Variants in FRYL observed in about 807,000 individuals in gnomAD.
FRYL encodes the protein FRY like transcription coactivator.
Under a neutral mutation model 351.2 loss-of-function variants are expected in FRYL, and 150 were observed. The ratio of observed to expected loss-of-function variants is 0.43; its 90% CI spans 0.37 to 0.49. FRYL has a LOEUF of 0.49. Ranked by LOEUF, FRYL falls within the 20% of genes least tolerant of loss-of-function variation. The pLI, the probability that FRYL is intolerant of heterozygous loss-of-function variation, is 0.00. For synonymous variants in FRYL, 1,153 were observed against 1,257.1 expected, an observed-to-expected ratio of 0.92 and a Z score of 1.75; for missense variants, 3,036 against 3,619.3, an observed-to-expected ratio of 0.84 and a Z score of 4.13.
chr4:48,759,473 A>G (rs1304618087), intron 1 of FRYL, among the ~76,000 whole-genome samples: 1 of 152,202 alleles, frequency 6.6e-6, no homozygotes, highest in African/African-American at 2.4e-5. Context: ...GCACACATTT[A>G]TTATCTTACA....
chr4:48,676,843 T>C (rs1375547632), intron 3 of FRYL, among the ~76,000 whole-genome samples: 1 of 152,252 alleles, frequency 6.6e-6, no homozygotes, highest in African/African-American at 2.4e-5. Context: ...GCATTCAACT[T>C]TGTTTACACT....
intron 43 of FRYL, among the ~76,000 whole-genome samples, chr4:48,544,533 CA>C (rs1730925157): frequency 6.6e-6 from 1 of 151,984 alleles, no homozygotes; most frequent in Non-Finnish European, 1.5e-5. Flanking sequence ...TCATAATACG[CA>C]ATTGTATTGT....
chr4:48,565,972 A>C (rs1369678051), intron 28 of FRYL, among the ~76,000 whole-genome samples: 1 of 152,198 alleles, frequency 6.6e-6, no homozygotes, highest in Non-Finnish European at 1.5e-5. Flanking sequence ...GCTGGCACAG[A>C]GGTGGGGCCA....
At position 48,702,348 on chromosome 4, in the gene FRYL, C is replaced by T. The variant is rs570081409; in HGVS notation, c.-204+8171G>A. On this transcript the variant is annotated intron_variant, in intron 2 of 63. Transcript: ENST00000358350. ...GTGCATGTCTGTAATCCCAGCTACT[C>T]AGGAGGCTGAGGCAAGAGAATCGCT... is the stretch of plus-strand genomic sequence containing the variant. 2.7e-5 allele frequency among the ~76,000 whole-genome samples: 4 copies of T among 149,260 alleles called. No homozygotes were observed. In the East Asian group the frequency reaches 7.9e-4, roughly 30 times the overall value.
intron 53 of FRYL, among the ~76,000 whole-genome samples, chr4:48,524,180 C>CTT (rs567950708): frequency 2.2e-5 from 3 of 137,758 alleles, no homozygotes; most frequent in Non-Finnish European, 4.8e-5. Context: ...GTTTTCAAAT[C>CTT]TTTTTTTTTT....
At chr4:48,553,156 T>C in intron 36 of FRYL, 59 bp downstream of exon 36, 1 of 1,368,032 alleles carries the variant, frequency 7.3e-7, no homozygotes, top group Non-Finnish European at 1.0e-6. Context: ...GTTACCATAG[T>C]GAAGCAGATG....
At chr4:48,628,634 AT>A (rs1752354849) in intron 4 of FRYL, among the ~76,000 whole-genome samples, 1 of 152,100 alleles carries the variant, frequency 6.6e-6, no homozygotes, top group South Asian at 2.1e-4. Context: ...TATAGTAACA[AT>A]AATACATTAT....
At chr4:48,750,402 A>G (rs1441104116) in intron 1 of FRYL, among the ~76,000 whole-genome samples, 1 of 151,992 alleles carries the variant, frequency 6.6e-6, no homozygotes, top group East Asian at 1.9e-4. Context: ...TTGAGGCTGC[A>G]GTGAGTTGAG....
intron 27 of FRYL, among the ~76,000 whole-genome samples, chr4:48,570,197 A>G (rs1737991086): frequency 1.3e-5 from 2 of 152,174 alleles, no homozygotes; most frequent in Admixed American, 1.3e-4. Context: ...ACGGTCAGGT[A>G]ACACCATTAT....
chr4:48,764,147 G>C (rs1263679597), intron 1 of FRYL, among the ~76,000 whole-genome samples: 2 of 152,118 alleles, frequency 1.3e-5, no homozygotes, highest in Admixed American at 1.3e-4. Context: ...TCCAGCCTGT[G>C]TGACAGAGCA....
intron 34 of FRYL, 122 bp downstream of exon 34, chr4:48,557,331 T>C (rs936703224): frequency 7.4e-7 from 1 of 1,354,656 alleles, no homozygotes; most frequent in Non-Finnish European, 1.0e-6. Flanking sequence ...CTAATGAGTC[T>C]TTTTTAAAGA....
intron 2 of FRYL, among the ~76,000 whole-genome samples, chr4:48,700,815 T>TAAA (rs752255645): frequency 7.3e-6 from 1 of 136,496 alleles, no homozygotes; most frequent in Admixed American, 7.4e-5. Flanking sequence ...AAAATTAAAT[T>TAAA]AAAAAAAAAA....
chr4:48,611,093 T>C (rs1170563096), intron 7 of FRYL, among the ~76,000 whole-genome samples: 2 of 152,054 alleles, frequency 1.3e-5, no homozygotes, highest in South Asian at 2.1e-4. Context: ...TCAGTATATA[T>C]GGTGCATTGG....
chr4:48,555,021 T>C (rs567210053), intron 35 of FRYL, among the ~76,000 whole-genome samples: 6 of 152,344 alleles, frequency 3.9e-5, no homozygotes, highest in Middle Eastern at 3.4e-3. Flanking sequence ...ACCAAACTCA[T>C]AGATTCTGAG....
intron 1 of FRYL, among the ~76,000 whole-genome samples, chr4:48,752,149 G>A (rs1391797175): frequency 6.6e-6 from 1 of 152,194 alleles, no homozygotes; most frequent in Non-Finnish European, 1.5e-5. Context: ...TAGTGGATGT[G>A]GAGGTGCACC....
chr4:48,653,584 G>T, intron 3 of FRYL: 1 of 493,146 alleles, frequency 2.0e-6, no homozygotes, highest in Non-Finnish European at 3.2e-6. Context: ...TACCATTCAA[G>T]AAAATATTCT....
chr4:48,617,964 A>C (rs1338449018), intron 7 of FRYL: 1 of 152,216 alleles, frequency 6.6e-6, no homozygotes, highest in Non-Finnish European at 1.5e-5. Flanking sequence ...AATCCACTTA[A>C]ATGAAATACA....
chr4:48,650,539 AATC>A (rs1169797180), intron 3 of FRYL, among the ~76,000 whole-genome samples: 3 of 152,198 alleles, frequency 2.0e-5, no homozygotes, highest in Non-Finnish European at 4.4e-5. Context: ...GAGGAGTAAA[AATC>A]ATTGCGATGC....
At chr4:48,670,464 G>GTA (rs1225782646) in intron 3 of FRYL, among the ~76,000 whole-genome samples, 6 of 149,104 alleles carry the variant, frequency 4.0e-5, no homozygotes, top group South Asian at 2.1e-4. Context: ...ATATATATAT[G>GTA]TATATATATA....
Sources: allele counts gnomAD v4.1 joint callset (sites outside exome capture counted in the v4.1 genomes callset), GRCh38; gene constraint gnomAD v4.1.1; transcripts MANE v1.5; gene names NCBI Gene and HGNC (gene_info 2026-07-23, HGNC 2026-07-21).